PDE4B: variants seen among roughly 807,000 people sequenced by gnomAD.
The protein encoded by PDE4B is 3',5'-cyclic-AMP phosphodiesterase 4B.
Under a neutral mutation model 82.2 loss-of-function variants are expected in PDE4B, and 20 were observed. That is an observed-to-expected ratio of 0.24 (90% confidence interval 0.17 to 0.35). The LOEUF is 0.35. Among genes scored for constraint, PDE4B ranks in the 10% least tolerant of loss-of-function variants. The pLI, the probability that PDE4B is intolerant of heterozygous loss-of-function variation, is 1.00. For missense variants in PDE4B, 655 were observed against 907.2 expected, an observed-to-expected ratio of 0.72 and a Z score of 3.57; for synonymous variants, 320 against 318.9, an observed-to-expected ratio of 1.00 and a Z score of -0.04.
Position 66,127,708 on chromosome 1 carries a change from C to T in PDE4B, c.282-119752C>T, listed in dbSNP as rs549117974. Among the ~76,000 whole-genome samples, 46 of 152,146 alleles carry T rather than the reference C, an allele frequency of 3.0e-4. 1 individual carries two copies. The South Asian group carries it at 8.1e-3, about 27-fold the overall frequency. On this transcript the variant is annotated intron_variant, in intron 3 of 16. Coordinates refer to ENST00000341517, the MANE Select transcript of PDE4B (RefSeq NM_002600.4). ...GGGTGTAAAAAGGTGTAGGGCTATA[C>T]GGCCCGTCATTAGCAAAGAAAACAA...
intron 2 of PDE4B, among the ~76,000 whole-genome samples, chr1:65,915,318 G>C (rs922825021): frequency 1.3e-5 from 2 of 152,098 alleles, no homozygotes; most frequent in Non-Finnish European, 2.9e-5. Context: ...TTTTATTATT[G>C]TCTCATGGAG....
chr1:66,245,766 G>A (rs556646277), intron 3 of PDE4B, among the ~76,000 whole-genome samples: 1 of 152,210 alleles, frequency 6.6e-6, no homozygotes, highest in Middle Eastern at 3.4e-3. Context: ...CTTTTCTTTG[G>A]CCTTTTACCC....
intron 3 of PDE4B, among the ~76,000 whole-genome samples, chr1:66,004,532 T>A (rs1652041718): frequency 6.6e-6 from 1 of 152,180 alleles, no homozygotes; most frequent in Admixed American, 6.5e-5. Flanking sequence ...GACCATAGAA[T>A]AATCTTTTTT....
intron 3 of PDE4B, among the ~76,000 whole-genome samples, chr1:66,228,393 G>A (rs1050299334): frequency 6.6e-6 from 1 of 152,162 alleles, no homozygotes; most frequent in Non-Finnish European, 1.5e-5. Context: ...GGGAGGCCAA[G>A]GCGGGCGGAT....
intron 3 of PDE4B, among the ~76,000 whole-genome samples, chr1:66,096,981 A>G (rs897199099): frequency 5.9e-5 from 9 of 151,960 alleles, no homozygotes; most frequent in African/African-American, 2.2e-4. Context: ...TGGATATTCC[A>G]TAATTTATTT....
In PDE4B at chr1:65,858,986, A is replaced by C. The variant is rs561572825; in HGVS notation, c.-70-54259A>C. On this transcript the variant is annotated intron_variant, in intron 1 of 16. Coordinates refer to ENST00000341517, the MANE Select transcript of PDE4B (RefSeq NM_002600.4). The stretch of plus-strand genomic sequence containing the variant: ...TGCACTTGGAAGTATATGAATTCTT[A>C]TGTTTTCTTCGGAGCTGTTTGAACT... 6.6e-5 allele frequency among the ~76,000 whole-genome samples: 10 copies of C among 152,168 alleles called. No individual in the cohort carries two copies. In the South Asian group the frequency reaches 2.1e-3, roughly 32 times the overall value.
At chr1:66,003,285 G>C (rs1238069495) in intron 3 of PDE4B, among the ~76,000 whole-genome samples, 1 of 151,886 alleles carries the variant, frequency 6.6e-6, no homozygotes, top group Admixed American at 6.6e-5. Flanking sequence ...AGAAGACCCA[G>C]TGTGAATAGC....
intron 7 of PDE4B, among the ~76,000 whole-genome samples, chr1:66,318,274 CAG>C (rs1302975242): frequency 6.6e-6 from 1 of 152,132 alleles, no homozygotes; most frequent in Non-Finnish European, 1.5e-5. Flanking sequence ...ATCTATAAAA[CAG>C]GGATAATAAC....
At chr1:66,128,890 T>TA (rs1486461568) in intron 3 of PDE4B, among the ~76,000 whole-genome samples, 54 of 152,282 alleles carry the variant, frequency 3.5e-4, no homozygotes, top group African/African-American at 1.3e-3. Context: ...ATGAGAACAG[T>TA]ATGAGGGAAA....
chr1:66,187,538 A>T (rs1647293465), intron 3 of PDE4B, among the ~76,000 whole-genome samples: 1 of 152,340 alleles, frequency 6.6e-6, no homozygotes, highest in South Asian at 2.1e-4. Context: ...TCAAAGATTT[A>T]ACTTCTTCCT....
chr1:65,980,540 GTTTCT>G (rs756087887), intron 3 of PDE4B, among the ~76,000 whole-genome samples: 3 of 152,110 alleles, frequency 2.0e-5, no homozygotes, highest in Admixed American at 1.3e-4. Flanking sequence ...GGGTGTTGGT[GTTTCT>G]TTTCTTTTCA....
chr1:65,805,538 C>T (rs965199361), intron 1 of PDE4B, among the ~76,000 whole-genome samples: 2 of 148,928 alleles, frequency 1.3e-5, no homozygotes, highest in African/African-American at 2.5e-5. Context: ...CATTGTGCAG[C>T]TTTTTTTTTT....
At chr1:66,270,125 G>T (rs1185559504) in intron 7 of PDE4B, among the ~76,000 whole-genome samples, 3 of 152,204 alleles carry the variant, frequency 2.0e-5, no homozygotes, top group Non-Finnish European at 4.4e-5. Flanking sequence ...GATTGCTGCA[G>T]ATACTAATGA....
intron 8 of PDE4B, among the ~76,000 whole-genome samples, chr1:66,332,887 A>G (rs1302433264): frequency 1.3e-5 from 2 of 152,222 alleles, no homozygotes; most frequent in Non-Finnish European, 2.9e-5. Flanking sequence ...TTAAGGTGAG[A>G]GATGTCTGTC....
chr1:65,815,628 T>C (rs1645874025), intron 1 of PDE4B, among the ~76,000 whole-genome samples: 2 of 152,258 alleles, frequency 1.3e-5, no homozygotes, highest in South Asian at 2.1e-4. Context: ...TAAAAAAAGG[T>C]TCATTGAGAA....
chr1:66,372,233 C>T, intron 16 of PDE4B, 80 bp from the exon 17 acceptor site: 3 of 1,402,106 alleles, frequency 2.1e-6, no homozygotes, highest in East Asian at 2.3e-5. Context: ...AATGTTCTTT[C>T]TTTGCATGGA....
chr1:66,164,755 C>CTTTTTTTT (rs145224852), intron 3 of PDE4B, among the ~76,000 whole-genome samples: 2 of 87,870 alleles, frequency 2.3e-5, no homozygotes, highest in African/African-American at 4.8e-5. Flanking sequence ...CTTTTCTTTT[C>CTTTTTTTT]TTTTTTTTTT....
At chr1:66,051,864 C>T (rs888069416) in intron 3 of PDE4B, among the ~76,000 whole-genome samples, 1 of 152,124 alleles carries the variant, frequency 6.6e-6, no homozygotes, top group Non-Finnish European at 1.5e-5. Context: ...CATCCAGATA[C>T]CTCTTAAAAG....
At chr1:66,152,617 T>TAA (rs762967222) in intron 3 of PDE4B, 1,256 of 125,418 alleles carry the variant, frequency 0.01, 15 homozygotes, top group Non-Finnish European at 0.014. Context: ...CACATATATA[T>TAA]ATTTATATAT....
Sources: allele counts gnomAD v4.1 joint callset (sites outside exome capture counted in the v4.1 genomes callset), GRCh38; gene constraint gnomAD v4.1.1; transcripts MANE v1.5; gene names NCBI Gene and HGNC (gene_info 2026-07-23, HGNC 2026-07-21).